PDE6A: variants seen among roughly 807,000 people sequenced by gnomAD.
The protein encoded by PDE6A is phosphodiesterase 6A, also known as rod cGMP-specific 3',5'-cyclic phosphodiesterase subunit alpha.
PDE6A carries 84 observed loss-of-function variants against 106.3 expected under a neutral mutation model. That is an observed-to-expected ratio of 0.79 (90% CI 0.66 to 0.95). The LOEUF (loss-of-function observed/expected upper bound fraction) is 0.95. PDE6A is among the 40% of genes least tolerant of loss of function. The probability of loss-of-function intolerance (pLI) is 0.00; values close to 1 mark genes in which losing one functional copy is unlikely to be tolerated. For synonymous variants in PDE6A, 394 were observed against 386.6 expected, an observed-to-expected ratio of 1.02 and a Z score of -0.23; for missense variants, 1,052 against 1,084.9, an observed-to-expected ratio of 0.97 and a Z score of 0.43.
chr5:149,944,143 C>T (rs1754401025), intron 1 of PDE6A, 57 bp downstream of exon 1: 10 of 1,415,388 alleles, frequency 7.1e-6, no homozygotes, highest in Admixed American at 6.7e-5. Flanking sequence ...CCCACCTGTA[C>T]CCCAGAACTC....
intron 7 of PDE6A, among the ~76,000 whole-genome samples, chr5:149,904,973 G>T (rs1363789948): frequency 6.6e-6 from 1 of 152,106 alleles, no homozygotes; most frequent in Non-Finnish European, 1.5e-5. Flanking sequence ...ACCACATGCT[G>T]GTTCTGCTTC....
At chr5:149,920,355 C>T (rs907403695) in intron 5 of PDE6A, among the ~76,000 whole-genome samples, 4 of 151,088 alleles carry the variant, frequency 2.6e-5, no homozygotes, top group African/African-American at 7.3e-5. Flanking sequence ...CCGAGGTGGG[C>T]GGATCACCTG....
chr5:149,933,904 C>G (rs988843304), intron 3 of PDE6A, 26 bp downstream of exon 3: 25 of 1,561,058 alleles, frequency 1.6e-5, no homozygotes, highest in Non-Finnish European at 2.2e-5. Flanking sequence ...CGAGTCAAGT[C>G]CATTCCCTTG....
intron 4 of PDE6A, among the ~76,000 whole-genome samples, chr5:149,927,484 C>G (rs886319544): frequency 7.2e-5 from 11 of 152,094 alleles, no homozygotes; most frequent in Non-Finnish European, 1.6e-4. Flanking sequence ...CTCATCATAG[C>G]TCACTGCAGA....
At chr5:149,909,219 A>G (rs969844760) in intron 6 of PDE6A, among the ~76,000 whole-genome samples, 7 of 152,176 alleles carry the variant, frequency 4.6e-5, no homozygotes, top group Middle Eastern at 3.4e-3. Context: ...GGAGTGCAGC[A>G]GAGCAAACCT....
At chr5:149,866,043 A>C (rs1760318568) in intron 20 of PDE6A, 127 bp downstream of exon 20, 2 of 720,122 alleles carry the variant, frequency 2.8e-6, no homozygotes, top group Non-Finnish European at 5.1e-6. Context: ...ATGCCATTAG[A>C]GATGAGAAGC....
At chr5:149,915,792 T>C (rs776919735) in intron 5 of PDE6A, among the ~76,000 whole-genome samples, 17 of 152,224 alleles carry the variant, frequency 1.1e-4, no homozygotes, top group Non-Finnish European at 1.6e-4. Flanking sequence ...ATTCTTTGCA[T>C]GCCTGGCTGC....
At chr5:149,928,231 A>ATTTTTTT (rs1165259453) in intron 4 of PDE6A, among the ~76,000 whole-genome samples, 13 of 19,748 alleles carry the variant, frequency 6.6e-4, no homozygotes, top group African/African-American at 3.8e-3. Context: ...ATATATATAT[A>ATTTTTTT]TTTTTTTTTT....
chr5:149,887,476 C>G (rs186244471), intron 13 of PDE6A, among the ~76,000 whole-genome samples: 260 of 152,262 alleles, frequency 1.7e-3, no homozygotes, highest in Admixed American at 6.0e-3. Flanking sequence ...TCAGCTTAGG[C>G]AACACAGCCA....
At chr5:149,883,117 C>CAAAAACTT (rs1429306048) in intron 17 of PDE6A, among the ~76,000 whole-genome samples, 1 of 152,094 alleles carries the variant, frequency 6.6e-6, no homozygotes, top group Non-Finnish European at 1.5e-5. Flanking sequence ...TCCGTTGTAT[C>CAAAAACTT]AAAAACTTAA....
In PDE6A at chr5:149,943,560, A is replaced by G. The variant is rs1581217238; in HGVS notation, c.474+640T>C. ...GGTCTCAAACTCTTGGGCTCAAGTG[A>G]TTCTCTTGCCTCAGCCCTCCGAGTA... On this transcript the variant is annotated intron_variant, in intron 1 of 21. Transcript: ENST00000255266. 4.6e-5 allele frequency among the ~76,000 whole-genome samples: 7 copies of G among 152,306 alleles called. No homozygotes were observed. The East Asian group carries it at 1.3e-3, about 29-fold the overall frequency.
chr5:149,876,971 A>G (rs771308282), intron 17 of PDE6A, among the ~76,000 whole-genome samples: 10 of 151,604 alleles, frequency 6.6e-5, no homozygotes, highest in Non-Finnish European at 1.2e-4. Flanking sequence ...GATAGATAAT[A>G]TGATTCTGTT....
Position 149,858,488 on chromosome 5 carries a change from G to A in PDE6A, c.*2407C>T, listed in dbSNP as rs547195685. ...CTTAGATTCGGTTTAAAAGAAATAA[G>A]TCCTGGCCAGGTGCAGTGGCTCACG... On this transcript the variant is annotated 3_prime_UTR_variant, in exon 22 of 22. Transcript: ENST00000255266. 2 of 152,402 alleles carry A rather than the reference G, an allele frequency of 1.3e-5. No homozygotes were observed. Among genetic ancestry groups the A allele is most frequent in the East Asian group, 1.9e-4 (1 of 5,196 alleles). 9.4% of individuals were successfully genotyped at this position (152,402 alleles called of 1,614,324 possible).
chr5:149,881,851 C>G (rs773398962), intron 17 of PDE6A, among the ~76,000 whole-genome samples: 2 of 152,026 alleles, frequency 1.3e-5, no homozygotes, highest in Non-Finnish European at 2.9e-5. Flanking sequence ...CTCAGGAGTT[C>G]AAAACCAGCC....
intron 13 of PDE6A, among the ~76,000 whole-genome samples, chr5:149,890,466 T>A (rs930121783): frequency 1.3e-5 from 2 of 152,226 alleles, no homozygotes; most frequent in African/African-American, 4.8e-5. Context: ...TCTAAAGATG[T>A]GTTATTAATA....
chr5:149,895,385 C>T (rs1752702492), intron 12 of PDE6A, 95 bp from the exon 13 acceptor site: 2 of 862,638 alleles, frequency 2.3e-6, no homozygotes, highest in South Asian at 2.7e-5. Flanking sequence ...TGGCCCATGG[C>T]CCTCTCTTTT....
chr5:149,866,308 A>G (rs993587453), intron 19 of PDE6A, 55 bp from the exon 20 acceptor site: 1 of 1,212,406 alleles, frequency 8.2e-7, no homozygotes, highest in South Asian at 1.2e-5. Context: ...AACCTACCCT[A>G]TCTATGAAGC....
chr5:149,924,064 A>G (rs1399935074), intron 4 of PDE6A, among the ~76,000 whole-genome samples: 2 of 152,196 alleles, frequency 1.3e-5, no homozygotes, highest in African/African-American at 2.4e-5. Context: ...CATTTAGAAA[A>G]CAATTTTAAT....
chr5:149,897,297 C>A (rs1053614248), intron 10 of PDE6A, among the ~76,000 whole-genome samples: 1 of 152,166 alleles, frequency 6.6e-6, no homozygotes, highest in Non-Finnish European at 1.5e-5. Context: ...GGGCCTGTGT[C>A]CCCATGTGCC....
Sources: gnomAD v4.1 joint callset for allele counts (sites outside exome capture counted in the v4.1 genomes callset) on GRCh38, gnomAD v4.1.1 for gene constraint, MANE v1.5 for transcripts, NCBI Gene and HGNC (gene_info 2026-07-23, HGNC 2026-07-21) for gene names.